The following NXPE2 variants were observed in gnomAD, a reference collection of about 807,000 sequenced individuals.
NXPE2 encodes NXPE family member 2.
NXPE2 carries 34 observed loss-of-function variants against 34.4 expected under a neutral mutation model. That is an observed-to-expected ratio of 0.99 (90% confidence interval 0.75 to 1.31). The LOEUF is 1.31. Ranked by LOEUF, NXPE2 falls within the 40% of genes most tolerant of loss-of-function variation. NXPE2 has a pLI of 0.00. For missense variants in NXPE2, 649 were observed against 672.5 expected (o/e 0.97, Z 0.39); for synonymous variants, 235 against 231.3 (o/e 1.02, Z -0.15).
chr11:114,664,679 T>C, the NXPE2 span, among the ~76,000 whole-genome samples: 2 of 152,196 alleles, frequency 1.3e-5, no homozygotes, highest in South Asian at 2.1e-4. Context: ...TTATGAGTTG[T>C]TGACTCATAA....
chr11:114,591,692 C>A, the NXPE2 span, among the ~76,000 whole-genome samples: 2 of 152,066 alleles, frequency 1.3e-5, no homozygotes, highest in African/African-American at 4.8e-5. Flanking sequence ...AATGGAAAGT[C>A]CTTAAAATCC....
chr11:114,474,280 T>G, the NXPE2 span, among the ~76,000 whole-genome samples: 1 of 151,940 alleles, frequency 6.6e-6, no homozygotes, highest in Non-Finnish European at 1.5e-5. Context: ...AACAAGGGAG[T>G]AATTGCAGTT....
At chr11:114,631,558 G>A in the NXPE2 span, among the ~76,000 whole-genome samples, 1 of 151,412 alleles carries the variant, frequency 6.6e-6, no homozygotes, top group Non-Finnish European at 1.5e-5. Flanking sequence ...AGCACTGGGA[G>A]ATATACCTAA....
chr11:114,541,929 T>G, the NXPE2 span, among the ~76,000 whole-genome samples: 1 of 152,204 alleles, frequency 6.6e-6, no homozygotes, highest in African/African-American at 2.4e-5. Context: ...GTTTATCAAT[T>G]GTGTTTAGAC....
the NXPE2 span, among the ~76,000 whole-genome samples, chr11:114,644,202 CAG>C: frequency 6.6e-6 from 1 of 152,126 alleles, no homozygotes; most frequent in Admixed American, 6.6e-5. Flanking sequence ...CATCTGCAAA[CAG>C]AGACAATATG....
At chr11:114,474,987 AAAT>A in the NXPE2 span, among the ~76,000 whole-genome samples, 1 of 152,332 alleles carries the variant, frequency 6.6e-6, no homozygotes, top group Non-Finnish European at 1.5e-5. Flanking sequence ...GGAAGTGAAA[AAAT>A]AGTAAAACTA....
At chr11:114,771,633 T>A in the NXPE2 span, among the ~76,000 whole-genome samples, 5 of 152,102 alleles carry the variant, frequency 3.3e-5, no homozygotes, top group Non-Finnish European at 7.4e-5. Flanking sequence ...TCTCACTGCA[T>A]CCTTTGCGTG....
chr11:114,548,703 G>A, the NXPE2 span, among the ~76,000 whole-genome samples: 2 of 151,940 alleles, frequency 1.3e-5, no homozygotes, highest in Admixed American at 6.6e-5. Flanking sequence ...CTATGTAAAT[G>A]AGGAGATAAA....
the NXPE2 span, among the ~76,000 whole-genome samples, chr11:114,502,615 A>G: frequency 6.6e-6 from 1 of 152,142 alleles, no homozygotes; most frequent in South Asian, 2.1e-4. Context: ...TGTTTTTTCT[A>G]GTTTCTTCTT....
chr11:114,739,231 C>T, the NXPE2 span, among the ~76,000 whole-genome samples: 3 of 152,050 alleles, frequency 2.0e-5, no homozygotes, highest in East Asian at 5.8e-4. Context: ...TTGTGCTGAG[C>T]AGTTCATATT....
the NXPE2 span, among the ~76,000 whole-genome samples, chr11:114,812,712 G>C: frequency 1.3e-5 from 2 of 152,180 alleles, no homozygotes; most frequent in Non-Finnish European, 2.9e-5. Flanking sequence ...AGGGCTGTCA[G>C]CTTCCCAATC....
At chr11:114,669,895 C>T in the NXPE2 span, among the ~76,000 whole-genome samples, 1 of 152,026 alleles carries the variant, frequency 6.6e-6, no homozygotes. Context: ...CTACTGCTTG[C>T]AGTCATCCTG....
chr11:114,716,919 A>G, the NXPE2 span, among the ~76,000 whole-genome samples: 16 of 152,172 alleles, frequency 1.1e-4, no homozygotes, highest in African/African-American at 3.1e-4. Flanking sequence ...ATTTGGTGCT[A>G]GTTTACAGCA....
the NXPE2 span, among the ~76,000 whole-genome samples, chr11:114,489,728 A>G: frequency 6.6e-6 from 1 of 152,226 alleles, no homozygotes; most frequent in South Asian, 2.1e-4. Flanking sequence ...AGAGCTATCT[A>G]TGACAAACCC....
the NXPE2 span, among the ~76,000 whole-genome samples, chr11:114,472,866 T>A: frequency 6.6e-6 from 1 of 152,208 alleles, no homozygotes; most frequent in African/African-American, 2.4e-5. Flanking sequence ...TAACCGGCTT[T>A]CCTTGTTTGG....
the NXPE2 span, among the ~76,000 whole-genome samples, chr11:114,598,668 T>C: frequency 2.0e-5 from 3 of 152,058 alleles, no homozygotes; most frequent in Non-Finnish European, 1.5e-5. Context: ...CCTGGGCCTC[T>C]TTGAGCCATG....
chr11:114,630,348 T>G, the NXPE2 span, among the ~76,000 whole-genome samples: 75 of 151,544 alleles, frequency 4.9e-4, 1 homozygote, highest in Non-Finnish European at 6.6e-4. Flanking sequence ...GAACAGAACA[T>G]AGCCCTCAGA....
chr11:114,651,915 T>TAAACA, the NXPE2 span, among the ~76,000 whole-genome samples: 2 of 152,002 alleles, frequency 1.3e-5, no homozygotes, highest in Non-Finnish European at 2.9e-5. Flanking sequence ...ACAGAAACCA[T>TAAACA]AAACAAAACA....
chr11:114,647,224 TA>T, the NXPE2 span, among the ~76,000 whole-genome samples: 1 of 152,228 alleles, frequency 6.6e-6, no homozygotes, highest in Non-Finnish European at 1.5e-5. Flanking sequence ...TAGATTTGGG[TA>T]AGTAATGTCT....
Sources: allele counts gnomAD v4.1 joint callset (sites outside exome capture counted in the v4.1 genomes callset), GRCh38; gene constraint gnomAD v4.1.1; transcripts MANE v1.5; gene names NCBI Gene and HGNC (gene_info 2026-07-23, HGNC 2026-07-21).